Variants in SPSB1 observed in about 807,000 individuals in gnomAD.
SPSB1 encodes the protein SPRY domain-containing SOCS box protein 1.
SPSB1 carries 8 observed loss-of-function variants against 21.2 expected under a neutral mutation model. The ratio of observed to expected loss-of-function variants is 0.38; its 90% CI spans 0.22 to 0.68. The LOEUF (loss-of-function observed/expected upper bound fraction) is 0.68, where lower values mean the gene tolerates loss of function less well. SPSB1 is among the 30% of genes least tolerant of loss of function. The pLI is 0.53. For missense variants in SPSB1, 242 were observed against 377.8 expected (o/e 0.64, Z 2.98); for synonymous variants, 169 against 161.7 (o/e 1.05, Z -0.34).
intron 1 of SPSB1, among the ~76,000 whole-genome samples, chr1:9,325,166 T>C (rs1357224113): frequency 2.6e-5 from 4 of 151,066 alleles, no homozygotes; most frequent in Non-Finnish European, 5.9e-5. Flanking sequence ...GCCGGGGCGC[T>C]GGGCATCCAA....
intron 1 of SPSB1, among the ~76,000 whole-genome samples, chr1:9,301,329 C>T (rs1166796128): frequency 6.6e-6 from 1 of 151,956 alleles, no homozygotes; most frequent in East Asian, 1.9e-4. Context: ...CCCGCCCCCG[C>T]CATCTCTACA....
chr1:9,329,926 C>T (rs1159026791), intron 1 of SPSB1, among the ~76,000 whole-genome samples: 1 of 152,046 alleles, frequency 6.6e-6, no homozygotes, highest in African/African-American at 2.4e-5. Flanking sequence ...GGGACTGATT[C>T]CTAGAGTCCA....
At chr1:9,333,808 T>C (rs1557456516) in intron 1 of SPSB1, among the ~76,000 whole-genome samples, 2 of 152,064 alleles carry the variant, frequency 1.3e-5, no homozygotes, top group Admixed American at 1.3e-4. Flanking sequence ...ATAGCAACAT[T>C]CTCCCTCTGC....
In SPSB1 at chr1:9,348,496, C is replaced by T. The variant is rs1314622740; in HGVS notation, c.-149-7247C>T. ...CCCTTCACCTGTCCCGGGTCTAGGA[C>T]TCCCAAACAGTGCACTTTGGGGATG... On this transcript the variant is annotated intron_variant, in intron 1 of 2. Coordinates refer to ENST00000328089, the MANE Select transcript of SPSB1 (RefSeq NM_025106.4). The surrounding 1 kb of genome is among the most constrained non-coding windows in gnomAD (Gnocchi z 4.8). Among the ~76,000 whole-genome samples the T allele has an allele frequency of 1.3e-5, 2 of 152,056 alleles. No homozygotes were observed. The highest frequency in any genetic ancestry group is 1.5e-5 in the Non-Finnish European group (1 of 68,004).
At chr1:9,365,342 C>T (rs542188035) in intron 2 of SPSB1, among the ~76,000 whole-genome samples, 2 of 152,276 alleles carry the variant, frequency 1.3e-5, no homozygotes, top group Non-Finnish European at 2.9e-5. Context: ...GTCTCAAACT[C>T]CTGGGCTCAA....
chr1:9,304,549 G>A (rs943454947), intron 1 of SPSB1, among the ~76,000 whole-genome samples: 1 of 152,234 alleles, frequency 6.6e-6, no homozygotes, highest in Non-Finnish European at 1.5e-5. Context: ...ATGGAAGCTT[G>A]TGGCATCTCC....
chr1:9,338,585 A>G (rs1321741694), intron 1 of SPSB1, among the ~76,000 whole-genome samples: 1 of 152,230 alleles, frequency 6.6e-6, no homozygotes, highest in Non-Finnish European at 1.5e-5. Context: ...GTTTCTGTTC[A>G]TTTCAGGACA....
chr1:9,295,205 TGTGA>T (rs1639198073), intron 1 of SPSB1, among the ~76,000 whole-genome samples: 1 of 87,746 alleles, frequency 1.1e-5, no homozygotes, highest in Admixed American at 1.3e-4. Flanking sequence ...TGTGTGTGTG[TGTGA>T]GAGTGTGAGT....
chr1:9,318,267 G>A (rs919781867), intron 1 of SPSB1, among the ~76,000 whole-genome samples: 3 of 152,202 alleles, frequency 2.0e-5, no homozygotes, highest in Non-Finnish European at 4.4e-5. Context: ...CGGGTCCTCC[G>A]CCCGCTTGGG....
At chr1:9,349,090 TC>T (rs1404457761) in intron 1 of SPSB1, among the ~76,000 whole-genome samples, 1 of 151,954 alleles carries the variant, frequency 6.6e-6, no homozygotes, top group Admixed American at 6.6e-5. Flanking sequence ...AGGTAGCCCC[TC>T]CCCCTCCTCC....
chr1:9,353,918 CA>C (rs35366582), intron 1 of SPSB1, among the ~76,000 whole-genome samples: 116 of 141,694 alleles, frequency 8.2e-4, no homozygotes, highest in Admixed American at 9.8e-4. Context: ...AACTCCATCT[CA>C]AAAAAAAAAA....
intron 1 of SPSB1, among the ~76,000 whole-genome samples, chr1:9,296,882 T>C (rs1243025492): frequency 6.6e-6 from 1 of 152,178 alleles, no homozygotes; most frequent in Non-Finnish European, 1.5e-5. Flanking sequence ...CTGAAACCTT[T>C]GGGAAGCTGC....
chr1:9,364,348 C>T (rs1443057257), intron 2 of SPSB1, among the ~76,000 whole-genome samples: 4 of 152,244 alleles, frequency 2.6e-5, no homozygotes, highest in Non-Finnish European at 2.9e-5. Flanking sequence ...CCACAGGCTG[C>T]GATAAGCACT....
intron 1 of SPSB1, among the ~76,000 whole-genome samples, chr1:9,325,222 A>ACCCCC (rs1200612130): frequency 4.3e-5 from 1 of 23,458 alleles, no homozygotes; most frequent in African/African-American, 8.3e-5. Context: ...GCCTCCCACC[A>ACCCCC]CCACCCCCCC....
At position 9,309,757 on chromosome 1, in the gene SPSB1, G is replaced by A. The variant is rs746342309; in HGVS notation, c.-150+16686G>A. On this transcript the variant is annotated intron_variant, in intron 1 of 2. Transcript: ENST00000328089. ...CTTGGGAGGCTGAGGCAGGAGAATC[G>A]CTTGAACCCAGGAGGCAGAGTTTGC... Among the ~76,000 whole-genome samples the A allele has an allele frequency of 3.3e-5, 5 of 152,062 alleles. No individual in the cohort carries two copies. In the South Asian group the frequency reaches 6.2e-4, roughly 19 times the overall value.
intron 1 of SPSB1, 50 bp from the exon 2 acceptor site, chr1:9,355,693 C>G: frequency 7.7e-7 from 1 of 1,292,998 alleles, no homozygotes; most frequent in Non-Finnish European, 9.8e-7. Context: ...TTAACTTTCC[C>G]CTTCATCCCA....
At chr1:9,366,808 A>G (rs1640579638) in intron 2 of SPSB1, among the ~76,000 whole-genome samples, 1 of 152,188 alleles carries the variant, frequency 6.6e-6, no homozygotes, top group South Asian at 2.1e-4. Flanking sequence ...TCCTGGCCTC[A>G]AATGATCCAC....
At chr1:9,333,547 T>C (rs1013476155) in intron 1 of SPSB1, among the ~76,000 whole-genome samples, 3 of 152,078 alleles carry the variant, frequency 2.0e-5, no homozygotes, top group African/African-American at 4.8e-5. Flanking sequence ...GGCAGGCTGG[T>C]CTCGAACTCT....
intron 2 of SPSB1, among the ~76,000 whole-genome samples, chr1:9,357,144 G>GTGA (rs1640381158): frequency 1.4e-5 from 1 of 73,690 alleles, no homozygotes; most frequent in Admixed American, 1.6e-4. Context: ...TGGATGGATG[G>GTGA]ATGGGTGGAT....
Sources: allele counts gnomAD v4.1 joint callset (sites outside exome capture counted in the v4.1 genomes callset), GRCh38; gene constraint gnomAD v4.1.1; non-coding constraint Gnocchi (gnomAD v3.1); transcripts MANE v1.5; gene names NCBI Gene and HGNC (gene_info 2026-07-23, HGNC 2026-07-21).